Variants in ME2 observed in about 807,000 individuals in gnomAD.
ME2 encodes malic enzyme 2.
In ME2, 60 loss-of-function variants were observed where a neutral mutation model predicts 73.7. The observed-to-expected ratio is 0.81, with a 90% CI of 0.66 to 1.01. The LOEUF (loss-of-function observed/expected upper bound fraction) is 1.01, where lower values mean the gene tolerates loss of function less well. Ranked by LOEUF, ME2 falls within the 50% of genes least tolerant of loss-of-function variation. ME2 has a pLI of 0.00. For synonymous variants in ME2, 199 were observed against 236.9 expected (o/e 0.84, Z 1.47); for missense variants, 594 against 705.5 (o/e 0.84, Z 1.79).
In ME2 at chr18:50,932,317, A is replaced by T; in HGVS notation, c.1374A>T (p.Arg458=). Residue 458 remains arginine (R), a synonymous_variant, in exon 13 of 16, where the codon CGA becomes CGT. Transcript: ENST00000321341. The part of the protein sequence containing the change: ...PFGPVKLTDG[R]VFTPGQGNNV... Reference sequence around the variant, plus strand: ...GGCCAGTGAAACTTACAGATGGGCGAGTCTTTACACCAGGTCAAGGAAACA... The same window carrying T: ...GGCCAGTGAAACTTACAGATGGGCGTGTCTTTACACCAGGTCAAGGAAACA... The T allele has an allele frequency of 6.2e-7, 1 of 1,613,516 alleles. No homozygotes were observed. The highest frequency in any genetic ancestry group is 8.5e-7 in the Non-Finnish European group (1 of 1,179,598).
intron 2 of ME2, among the ~76,000 whole-genome samples, chr18:50,905,873 T>C (rs1917006836): frequency 6.6e-6 from 1 of 152,172 alleles, no homozygotes; most frequent in Admixed American, 6.5e-5. Context: ...AGGAGTATAG[T>C]GAGGCATGTC....
Position 50,947,211 on chromosome 18 carries a change from G to A in ME2, c.*27G>A. ...AGCACTCCCCTGATAAATACTTTCT[G>A]TGCTCCAGGGAACCCCTTTTTTCAG... On this transcript the variant is annotated 3_prime_UTR_variant, in exon 16 of 16. Transcript: ENST00000321341. 1.3e-6 allele frequency: 2 copies of A among 1,599,704 alleles called. No homozygotes were observed. The highest frequency in any genetic ancestry group is 1.1e-5 in the South Asian group (1 of 89,612).
chr18:50,940,239 T>G, intron 14 of ME2, 49 bp from the exon 15 acceptor site: 1 of 1,256,212 alleles, frequency 8.0e-7, no homozygotes, highest in East Asian at 2.3e-5. Context: ...ACTGGGTCCT[T>G]ATTCTGTTAT....
In ME2 at chr18:50,947,388, A is replaced by G; in HGVS notation, c.*204A>G. On this transcript the variant is annotated 3_prime_UTR_variant, in exon 16 of 16. Transcript: ENST00000321341. ...TTGCCCACCAGCACCCTACAGTCAG[A>G]TAGTTGTGATGCTTTAATTCTAACA... 2 of 548,234 alleles carry G rather than the reference A, an allele frequency of 3.6e-6. No individual in the cohort carries two copies. Among genetic ancestry groups the G allele is most frequent in the South Asian group, 4.9e-5 (2 of 41,050 alleles). The allele number at this position is 548,234 out of a possible 1,614,324, so 34.0% of individuals were successfully genotyped here.
intron 10 of ME2, among the ~76,000 whole-genome samples, chr18:50,921,403 ACTTACT>A (rs974977480): frequency 6.6e-6 from 1 of 151,704 alleles, no homozygotes; most frequent in African/African-American, 2.4e-5. Flanking sequence ...TTGGCATCAG[ACTTACT>A]CTTTCTTGCT....
In ME2 at chr18:50,941,353, C is replaced by CTTTTTTTTTTTTTTTTTTTTTTT. The variant is rs57428974; in HGVS notation, c.1587+976_1587+998dup. 6.3e-5 allele frequency among the ~76,000 whole-genome samples: 4 copies of CTTTTTTTTTTTTTTTTTTTTTTT among 63,846 alleles called. 1 individual carries two copies. Among genetic ancestry groups the CTTTTTTTTTTTTTTTTTTTTTTT allele is most frequent in the African/African-American group, 3.2e-4 (4 of 12,428 alleles). The allele number at this position is 63,846 out of a possible 152,430, so 41.9% of individuals were successfully genotyped here. On this transcript the variant is annotated intron_variant, in intron 15 of 15. Coordinates refer to ENST00000321341, the MANE Select transcript of ME2 (RefSeq NM_002396.5). ...TCTTTGTGTGTATTTGTGATGGTTT[C>CTTTTTTTTTTTTTTTTTTTTTTT]TTTTTTTTTTTTTTTTTTTTTTTTT...
chr18:50,908,798 G>A (rs1917077609), intron 3 of ME2, among the ~76,000 whole-genome samples: 1 of 151,576 alleles, frequency 6.6e-6, no homozygotes, highest in Non-Finnish European at 1.5e-5. Flanking sequence ...CCACCACCAT[G>A]CCTGGCTAAT....
chr18:50,891,652 T>G (rs1916607510), intron 1 of ME2, among the ~76,000 whole-genome samples: 1 of 152,058 alleles, frequency 6.6e-6, no homozygotes, highest in African/African-American at 2.4e-5. Flanking sequence ...AAGAATTCAC[T>G]CCCACAAAGA....
intron 13 of ME2, chr18:50,939,097 GAA>G (rs1917880930): frequency 1.5e-5 from 1 of 65,112 alleles, no homozygotes; most frequent in South Asian, 4.4e-4. Flanking sequence ...CTCCAAAACA[GAA>G]AATGCAAGAT....
intron 1 of ME2, among the ~76,000 whole-genome samples, chr18:50,891,633 G>A (rs1478123741): frequency 2.0e-5 from 3 of 152,040 alleles, no homozygotes; most frequent in African/African-American, 7.2e-5. Context: ...GGTTCCGCAT[G>A]ATCCCCAAAA....
At chr18:50,898,590 C>T (rs1020060213) in intron 2 of ME2, among the ~76,000 whole-genome samples, 1 of 152,120 alleles carries the variant, frequency 6.6e-6, no homozygotes, top group African/African-American at 2.4e-5. Context: ...TGCCACTACA[C>T]CTGGCTACTT....
intron 1 of ME2, among the ~76,000 whole-genome samples, chr18:50,883,438 G>C (rs1483253259): frequency 3.9e-5 from 6 of 152,214 alleles, no homozygotes; most frequent in Admixed American, 6.5e-5. Context: ...AGTCCAGTTT[G>C]TAAATACCAC....
At position 50,947,203 on chromosome 18, in the gene ME2, T is replaced by TA. The variant is rs1854523924; in HGVS notation, c.*20dup. On this transcript the variant is annotated 3_prime_UTR_variant, in exon 16 of 16. Coordinates refer to ENST00000321341, the MANE Select transcript of ME2 (RefSeq NM_002396.5). ...AGAATAGAAGCACTCCCCTGATAAA[T>TA]ACTTTCTGTGCTCCAGGGAACCCCT... is the stretch of plus-strand genomic sequence containing the variant. 6.2e-7 allele frequency: 1 copy of TA among 1,606,112 alleles called. No homozygotes were observed. Among genetic ancestry groups the TA allele is most frequent in the East Asian group, 2.2e-5 (1 of 44,790 alleles).
intron 13 of ME2, chr18:50,934,309 A>C (rs1568173980): frequency 6.6e-6 from 1 of 152,204 alleles, no homozygotes; most frequent in Non-Finnish European, 1.5e-5. Context: ...ACACTTTAAA[A>C]TCCTAACTTA....
intron 2 of ME2, among the ~76,000 whole-genome samples, chr18:50,897,696 A>T (rs1410231574): frequency 6.6e-6 from 1 of 151,944 alleles, no homozygotes; most frequent in Non-Finnish European, 1.5e-5. Flanking sequence ...CCCCATCTCT[A>T]CTAAAAATAC....
At chr18:50,913,842 A>G (rs1917218713) in intron 4 of ME2, among the ~76,000 whole-genome samples, 1 of 111,072 alleles carries the variant, frequency 9.0e-6, no homozygotes, top group African/African-American at 3.0e-5. Flanking sequence ...GTTCTTTGGA[A>G]AATTATCAGC....
At chr18:50,904,076 A>G (rs1204360633) in intron 2 of ME2, among the ~76,000 whole-genome samples, 1 of 152,186 alleles carries the variant, frequency 6.6e-6, no homozygotes, top group Non-Finnish European at 1.5e-5. Flanking sequence ...TATCTTCATA[A>G]TAGATTCACC....
chr18:50,899,707 T>A (rs1366174847), intron 2 of ME2, among the ~76,000 whole-genome samples: 1 of 152,194 alleles, frequency 6.6e-6, no homozygotes. Flanking sequence ...TCCTAATTCC[T>A]CACCACACTG....
rs1273483083 is a variant in ME2, at chr18:50,938,466, T to C, written c.1418-1104T>C. Among the ~76,000 whole-genome samples the C allele has an allele frequency of 3.3e-5, 5 of 152,300 alleles. No homozygotes were observed. The East Asian group carries it at 9.6e-4, about 29-fold the overall frequency. ...GTATTGGAATAATACCTCACAGTTCTGAAGGAAAAATATTTCCAAGCCAGA... is the reference window on the plus strand; with the variant it reads ...GTATTGGAATAATACCTCACAGTTCCGAAGGAAAAATATTTCCAAGCCAGA... On this transcript the variant is annotated intron_variant, in intron 13 of 15. Transcript: ENST00000321341.
Sources: allele counts gnomAD v4.1 joint callset (sites outside exome capture counted in the v4.1 genomes callset), GRCh38; gene constraint gnomAD v4.1.1; transcripts MANE v1.5; gene names NCBI Gene and HGNC (gene_info 2026-07-23, HGNC 2026-07-21).